TSPAN16: variants seen among roughly 807,000 people sequenced by gnomAD.
TSPAN16 encodes tetraspanin-16.
Under a neutral mutation model 25.2 loss-of-function variants are expected in TSPAN16, and 23 were observed. That is an observed-to-expected ratio of 0.91 (90% confidence interval 0.66 to 1.29). The LOEUF (loss-of-function observed/expected upper bound fraction) is 1.29. Ranked by LOEUF, TSPAN16 falls within the 50% of genes most tolerant of loss-of-function variation. The probability of loss-of-function intolerance (pLI) is 0.00; values close to 1 mark genes in which losing one functional copy is unlikely to be tolerated. For missense variants in TSPAN16, 272 were observed against 299.9 expected (o/e 0.91, Z 0.69); for synonymous variants, 123 against 124.4 (o/e 0.99, Z 0.08).
At position 11,298,947 on chromosome 19, in the gene TSPAN16, G is replaced by C; in HGVS notation, c.342+1G>C. 3 of 1,613,614 alleles carry C rather than the reference G, an allele frequency of 1.9e-6. No individual in the cohort carries two copies. Among genetic ancestry groups the C allele is most frequent in the Non-Finnish European group, 2.5e-6 (3 of 1,179,688 alleles). ...AGTGGTCCTTCTTTTCTTTCCAATT[G>C]TAAGTACAGCCCTGCTCCTCCCACA... On this transcript the variant is annotated splice_donor_variant, in intron 3 of 6. Coordinates refer to ENST00000590327, the MANE Select transcript of TSPAN16 (RefSeq NM_001282509.2). LOFTEE classifies it high-confidence loss of function.
chr19:11,323,022 G>A (rs1169246651), intron 6 of TSPAN16: 2 of 151,794 alleles, frequency 1.3e-5, no homozygotes. Flanking sequence ...TGAGACAGGA[G>A]AATCGCTTGA....
intron 6 of TSPAN16, among the ~76,000 whole-genome samples, chr19:11,313,588 G>A (rs556922021): frequency 6.2e-4 from 93 of 151,172 alleles, no homozygotes; most frequent in Middle Eastern, 3.5e-3. Flanking sequence ...AATGGACAAA[G>A]GATTCAAATA....
At chr19:11,320,122 C>CTTTTTTTTTTTT (rs373015307), downstream of TSPAN16, among the ~76,000 whole-genome samples, 12,184 of 104,300 alleles carry the variant, frequency 0.12, 1,411 homozygotes, top group Non-Finnish European at 0.13. Context: ...CCGGCCAGGA[C>CTTTTTTTTTTTT]TTTTTTTTTT....
intron 5 of TSPAN16, chr19:11,308,026 G>A (rs1419343996): frequency 6.6e-6 from 1 of 152,180 alleles, no homozygotes; most frequent in East Asian, 1.9e-4. Flanking sequence ...ATCCTAGCGG[G>A]AGTGAGGGCC....
At chr19:11,307,444 G>T (rs904588996) in intron 5 of TSPAN16, among the ~76,000 whole-genome samples, 4 of 132,692 alleles carry the variant, frequency 3.0e-5, no homozygotes, top group African/African-American at 1.1e-4. Flanking sequence ...TTAGAGATAG[G>T]GTCTCACTCT....
intron 3 of TSPAN16, among the ~76,000 whole-genome samples, chr19:11,299,899 C>G (rs2080524211): frequency 6.6e-6 from 1 of 151,448 alleles, no homozygotes; most frequent in Non-Finnish European, 1.5e-5. Context: ...ATCACTTGAA[C>G]CCGGGAGCCA....
At chr19:11,307,997 A>G (rs925782810) in intron 5 of TSPAN16, 8 of 152,210 alleles carry the variant, frequency 5.3e-5, no homozygotes, top group Admixed American at 3.3e-4. Flanking sequence ...AAATGGAGCA[A>G]TAACCATGAA....
downstream of TSPAN16, among the ~76,000 whole-genome samples, chr19:11,316,977 A>AT (rs138799000): frequency 0.085 from 12,848 of 150,764 alleles, 662 homozygotes; most frequent in Admixed American, 0.17. Context: ...CGCCTGGCTA[A>AT]TTTTTTGTAT....
intron 4 of TSPAN16, among the ~76,000 whole-genome samples, chr19:11,304,238 G>A (rs879930175): frequency 4.6e-5 from 7 of 151,586 alleles, no homozygotes; most frequent in Non-Finnish European, 8.8e-5. Flanking sequence ...TTCAAAGTGG[G>A]GAAAGCCATT....
intron 3 of TSPAN16, among the ~76,000 whole-genome samples, chr19:11,300,153 T>G (rs57207337): frequency 0.031 from 4,694 of 152,014 alleles, 248 homozygotes; most frequent in African/African-American, 0.11. Context: ...CTCTCCAGGA[T>G]AGAGTGCCGT....
At chr19:11,297,796 C>G (rs1272825404) in intron 1 of TSPAN16, among the ~76,000 whole-genome samples, 1 of 151,338 alleles carries the variant, frequency 6.6e-6, no homozygotes, top group Middle Eastern at 3.3e-3. Flanking sequence ...TGTGGCTGGC[C>G]TATTTTATTT....
At chr19:11,312,993 T>C (rs530700821) in intron 6 of TSPAN16, among the ~76,000 whole-genome samples, 11 of 151,970 alleles carry the variant, frequency 7.2e-5, no homozygotes, top group South Asian at 6.2e-4. Flanking sequence ...CAAGAAGAAA[T>C]AGAATATGTA....
At position 11,298,952 on chromosome 19, in the gene TSPAN16, T is replaced by G. The variant is rs763440031; in HGVS notation, c.342+6T>G. On this transcript the variant is annotated splice_donor_region_variant and intron_variant, in intron 3 of 6. Transcript: ENST00000590327. Reference sequence around the variant, plus strand: ...TCCTTCTTTTCTTTCCAATTGTAAGTACAGCCCTGCTCCTCCCACATAGCA... The same window carrying G: ...TCCTTCTTTTCTTTCCAATTGTAAGGACAGCCCTGCTCCTCCCACATAGCA... 9 of 1,613,176 alleles carry G rather than the reference T, an allele frequency of 5.6e-6. No homozygotes were observed. Among genetic ancestry groups the G allele is most frequent in the South Asian group, 1.1e-5 (1 of 91,062 alleles).
intron 1 of TSPAN16, among the ~76,000 whole-genome samples, chr19:11,297,463 C>T (rs2080490785): frequency 7.0e-6 from 1 of 142,128 alleles, no homozygotes; most frequent in Admixed American, 6.8e-5. Context: ...AAAAAAATTG[C>T]TAATCCCTGT....
At chr19:11,302,167 C>T (rs985750095) in intron 4 of TSPAN16, among the ~76,000 whole-genome samples, 9 of 152,120 alleles carry the variant, frequency 5.9e-5, no homozygotes, top group African/African-American at 2.2e-4. Flanking sequence ...GCATTAAGCA[C>T]ATTCGCATTG....
At position 11,298,170 on chromosome 19, in the gene TSPAN16, G is replaced by A; in HGVS notation, c.98G>A (p.Gly33Asp). The A allele has an allele frequency of 1.2e-6, 2 of 1,614,110 alleles. No individual in the cohort carries two copies. The highest frequency in any genetic ancestry group is 1.3e-5 in the African/African-American group (1 of 75,018). ...TCTGGCATCATCCTAGTTGGCCTGG[G>A]CATTGGTGGTAAATGTGGAGGGGCC... The part of the protein sequence containing the change: ...AVSGIILVGL[G>D]IGGKCGGASL... The change falls in exon 2 of 7, where the codon GGC becomes GAC. Residue 33 changes from glycine (G) to aspartate (D), a missense_variant. Transcript: ENST00000590327.
chr19:11,316,454 T>G (rs1000669160), downstream of TSPAN16, among the ~76,000 whole-genome samples: 1 of 152,050 alleles, frequency 6.6e-6, no homozygotes, highest in African/African-American at 2.4e-5. Context: ...AATCTAGAAC[T>G]TTCACAAAAG....
chr19:11,305,484 C>T (rs781603000), intron 4 of TSPAN16, among the ~76,000 whole-genome samples: 3 of 151,754 alleles, frequency 2.0e-5, no homozygotes, highest in East Asian at 1.9e-4. Context: ...GAGCCAAGAT[C>T]GCGCCATTGC....
At chr19:11,320,106 C>A (rs2147961218), downstream of TSPAN16, among the ~76,000 whole-genome samples, 2 of 142,052 alleles carry the variant, frequency 1.4e-5, no homozygotes, top group South Asian at 4.4e-4. Context: ...GCCTGAGCCA[C>A]TACGCCCGGC....
Sources: allele counts gnomAD v4.1 joint callset (sites outside exome capture counted in the v4.1 genomes callset), GRCh38; gene constraint gnomAD v4.1.1; transcripts MANE v1.5; gene names NCBI Gene and HGNC (gene_info 2026-07-23, HGNC 2026-07-21).